Variants in CARS2 observed in about 807,000 individuals in gnomAD.
CARS2 encodes cysteinyl-tRNA synthetase 2, mitochondrial, also known as probable cysteine--tRNA ligase, mitochondrial.
Under a neutral mutation model 68.8 loss-of-function variants are expected in CARS2, and 52 were observed. The ratio of observed to expected loss-of-function variants is 0.76; its 90% confidence interval spans 0.61 to 0.95. The LOEUF (loss-of-function observed/expected upper bound fraction) is 0.95. Among genes scored for constraint, CARS2 ranks in the 40% least tolerant of loss-of-function variants. The pLI is 0.00. For synonymous variants in CARS2, 314 were observed against 303.6 expected, an observed-to-expected ratio of 1.03 and a Z score of -0.36; for missense variants, 780 against 754.2, an observed-to-expected ratio of 1.03 and a Z score of -0.40.
At chr13:110,675,357 A>G (rs1250686038) in intron 7 of CARS2, among the ~76,000 whole-genome samples, 1 of 152,222 alleles carries the variant, frequency 6.6e-6, no homozygotes, top group Admixed American at 6.5e-5. Flanking sequence ...GCATATATAC[A>G]CCATGGAATA....
intron 11 of CARS2, chr13:110,646,380 G>A (rs936392496): frequency 3.6e-5 from 9 of 251,362 alleles, no homozygotes; most frequent in Non-Finnish European, 6.8e-5. Context: ...AATAGATATT[G>A]AGGGGAGTGG....
rs770358381 is a variant in CARS2, at chr13:110,687,927, C to A, written c.465+20G>T. The A allele has an allele frequency of 2.5e-6, 4 of 1,603,572 alleles. No homozygotes were observed. Among genetic ancestry groups the A allele is most frequent in the Non-Finnish European group, 3.4e-6 (4 of 1,171,078 alleles). On this transcript the variant is annotated intron_variant, in intron 4 of 14. Transcript: ENST00000257347. ...ACGCCTGTCACCCTCATGGCAGGAACAACCAGCCCCACACTTTACCTTCAG... is the reference window on the plus strand; with the variant it reads ...ACGCCTGTCACCCTCATGGCAGGAAAAACCAGCCCCACACTTTACCTTCAG...
chr13:110,647,584 C>T (rs1248957543), intron 10 of CARS2, among the ~76,000 whole-genome samples: 1 of 144,718 alleles, frequency 6.9e-6, no homozygotes, highest in African/African-American at 2.7e-5. Context: ...GATGGAGGTG[C>T]GGATGAATGG....
chr13:110,679,358 C>T (rs11842531), intron 6 of CARS2, among the ~76,000 whole-genome samples: 7,320 of 151,558 alleles, frequency 0.048, 360 homozygotes, highest in African/African-American at 0.11. Context: ...GACGAAACCT[C>T]GTCTCTACTA....
At chr13:110,662,436 C>A (rs747461566) in intron 9 of CARS2, among the ~76,000 whole-genome samples, 1 of 152,272 alleles carries the variant, frequency 6.6e-6, no homozygotes, top group Non-Finnish European at 1.5e-5. Context: ...TGGCCCCGGG[C>A]TCCAACCTTC....
At position 110,713,418 on chromosome 13, in the gene CARS2, C is replaced by G. The variant is rs2064062278; in HGVS notation, n.118G>C. On this transcript the variant is annotated non_coding_transcript_exon_variant, in exon 1 of 3. Coordinates refer to the CARS2 transcript ENST00000485188. ...GTGCTGTGCCGCCCAACAGGCTCTG[C>G]CTCCAAGTGCCAAAAACTCCTAGTA... The G allele has an allele frequency of 3.0e-6, 3 of 1,007,590 alleles. No individual in the cohort carries two copies. In the East Asian group the frequency reaches 2.9e-4, roughly 98 times the overall value. 62.4% of individuals were successfully genotyped at this position (1,007,590 alleles called of 1,614,324 possible). A position where few individuals can be genotyped will look rare whatever the true frequency, so the allele number is the denominator to read the frequency against.
At chr13:110,710,815 T>C (rs762552954), upstream of CARS2, among the ~76,000 whole-genome samples, 2 of 152,236 alleles carry the variant, frequency 1.3e-5, no homozygotes, top group Non-Finnish European at 2.9e-5. Context: ...AGTTGGCACA[T>C]GGTAGACACT....
intron 9 of CARS2, among the ~76,000 whole-genome samples, chr13:110,660,860 C>T (rs2062485095): frequency 6.7e-6 from 1 of 149,474 alleles, no homozygotes; most frequent in African/African-American, 2.5e-5. Flanking sequence ...CTCCCAGGTT[C>T]AAGTGATTCT....
At chr13:110,642,547 T>C (rs376293005) in intron 13 of CARS2, 26 bp from the exon 14 acceptor site, 244 of 1,599,190 alleles carry the variant, frequency 1.5e-4, no homozygotes, top group South Asian at 1.4e-3. Context: ...CGCGGTTACG[T>C]CCCCCGGAGA....
At chr13:110,674,251 A>G (rs1440955770) in intron 7 of CARS2, among the ~76,000 whole-genome samples, 2 of 152,254 alleles carry the variant, frequency 1.3e-5, no homozygotes, top group East Asian at 3.9e-4. Flanking sequence ...AAGAGCCTGC[A>G]CTGCCAAGAC....
At chr13:110,695,715 A>C (rs529741059) in intron 3 of CARS2, among the ~76,000 whole-genome samples, 1 of 152,290 alleles carries the variant, frequency 6.6e-6, no homozygotes, top group African/African-American at 2.4e-5. Context: ...AAGGTAAAGA[A>C]GAAAAATAAA....
intron 9 of CARS2, among the ~76,000 whole-genome samples, chr13:110,658,447 A>T (rs1056529770): frequency 2.6e-5 from 4 of 152,238 alleles, no homozygotes; most frequent in African/African-American, 9.6e-5. Context: ...GATCTGTTGC[A>T]TAACAATGTG....
intron 9 of CARS2, among the ~76,000 whole-genome samples, chr13:110,659,065 G>A (rs750986481): frequency 5.9e-5 from 9 of 152,126 alleles, no homozygotes; most frequent in Non-Finnish European, 1.5e-5. Context: ...GAAGTGTGAT[G>A]ATGTCTTCAA....
At chr13:110,712,800 G>A (rs1359792380) in intron 1 of CARS2, 1 of 762,620 alleles carries the variant, frequency 1.3e-6, no homozygotes, top group East Asian at 2.7e-5. Context: ...GCGCCCCTCG[G>A]GCCTATCCAC....
intron 13 of CARS2, chr13:110,643,106 T>A (rs1002736929): frequency 2.6e-5 from 7 of 272,010 alleles, no homozygotes; most frequent in African/African-American, 1.6e-4. Flanking sequence ...TCAAACTACT[T>A]AAACCTCACA....
In CARS2 at chr13:110,641,738, TAGAA is replaced by T. The variant is rs1887331602; in HGVS notation, c.1624-134_1624-131del. On this transcript the variant is annotated intron_variant, in intron 14 of 14. Coordinates refer to ENST00000257347, the MANE Select transcript of CARS2 (RefSeq NM_024537.4). ...TGTCCTAAAAAGCTTGCCAGGCGCTTAGAAAGGGCCCCACTACCTCCAGCAGAAG... is the reference window on the plus strand; with the variant it reads ...TGTCCTAAAAAGCTTGCCAGGCGCTTAGGGCCCCACTACCTCCAGCAGAAG... 2.4e-5 allele frequency: 18 copies of T among 759,258 alleles called. No homozygotes were observed. In the South Asian group the frequency reaches 2.5e-4, roughly 11 times the overall value. The allele number at this position is 759,258 out of a possible 1,614,324, so 47.0% of individuals were successfully genotyped here.
intron 2 of CARS2, 31 bp from the exon 3 acceptor site, chr13:110,701,586 A>G (rs764329087): frequency 2.1e-6 from 2 of 945,826 alleles, no homozygotes; most frequent in Non-Finnish European, 3.5e-6. Flanking sequence ...GGATGTCTTT[A>G]TTACACAAAG....
Position 110,683,092 on chromosome 13 carries a change from C to T in CARS2, c.614G>A (p.Gly205Asp). The change falls in exon 6 of 15, where the codon GGC (glycine) becomes GAC (aspartate). Residue 205 changes from glycine to aspartate, a missense_variant. Coordinates refer to ENST00000257347, the MANE Select transcript of CARS2 (RefSeq NM_024537.4). ...FDLKSRGDKY[G>D]KLVGVVPGPV... The stretch of plus-strand genomic sequence containing the variant: ...ACCAGGGACCACGCCGACCAATTTG[C>T]CATACTTGTCTCCTCTAGACTTCAG... 6.2e-7 allele frequency: 1 copy of T among 1,602,372 alleles called. No homozygotes were observed. The highest frequency in any genetic ancestry group is 1.1e-5 in the South Asian group (1 of 89,422).
chr13:110,666,171 T>A (rs1236645374), intron 8 of CARS2: 2 of 985,268 alleles, frequency 2.0e-6, no homozygotes, highest in Admixed American at 1.2e-4. Flanking sequence ...CTCGGCTCCC[T>A]GAGGGGCGAT....
Sources: allele counts gnomAD v4.1 joint callset (sites outside exome capture counted in the v4.1 genomes callset), GRCh38; gene constraint gnomAD v4.1.1; transcripts MANE v1.5; gene names NCBI Gene and HGNC (gene_info 2026-07-23, HGNC 2026-07-21).